The following UBR4 variants were observed in gnomAD, a reference collection of about 807,000 sequenced individuals.
UBR4 encodes the protein E3 ubiquitin-protein ligase UBR4.
UBR4 carries 124 observed loss-of-function variants against 575.6 expected under a neutral mutation model. The observed-to-expected ratio is 0.22, with a 90% CI of 0.19 to 0.25. UBR4 has a LOEUF of 0.25. UBR4 is among the 10% of genes least tolerant of loss of function. The pLI, the probability that UBR4 is intolerant of heterozygous loss-of-function variation, is 1.00. For synonymous variants in UBR4, 2,455 were observed against 2,473.7 expected, an observed-to-expected ratio of 0.99 and a Z score of 0.22; for missense variants, 4,818 against 6,478.8, an observed-to-expected ratio of 0.74 and a Z score of 8.80.
Position 19,110,032 on chromosome 1 carries a change from T to C in UBR4, c.12105+64A>G, listed in dbSNP as rs1206006519. On this transcript the variant is annotated intron_variant, in intron 81 of 105. Coordinates refer to ENST00000375254, the MANE Select transcript of UBR4 (RefSeq NM_020765.3). This position sits in a 1 kb window ranked among gnomAD's most constrained non-coding sequence, Gnocchi z 4.5. ...GAGACCATGAGGAGGCAGGGCACAC[T>C]GCCAGGGAATGAGGAGGGTGGCCGC... The C allele has an allele frequency of 3.1e-6, 5 of 1,606,032 alleles. No homozygotes were observed. The highest frequency in any genetic ancestry group is 1.3e-5 in the African/African-American group (1 of 74,772).
chr1:19,163,705 C>T, intron 34 of UBR4, 59 bp downstream of exon 34: 2 of 1,564,066 alleles, frequency 1.3e-6, no homozygotes, highest in Non-Finnish European at 1.8e-6. Context: ...TCCACCTGAC[C>T]ACAGAGGTGA....
At position 19,095,041 on chromosome 1, in the gene UBR4, A is replaced by C; in HGVS notation, c.13627-16T>G. On this transcript the variant is annotated splice_polypyrimidine_tract_variant and intron_variant, in intron 93 of 105. Transcript: ENST00000375254. Reference sequence around the variant, plus strand: ...CTACAAGGGCCTGTAGGAGAAGGAGACTCAGTCACTCTCAGAATAAGACCA... The same window carrying C: ...CTACAAGGGCCTGTAGGAGAAGGAGCCTCAGTCACTCTCAGAATAAGACCA... 6.2e-7 allele frequency: 1 copy of C among 1,614,056 alleles called. No homozygotes were observed. The highest frequency in any genetic ancestry group is 8.5e-7 in the Non-Finnish European group (1 of 1,179,996).
At chr1:19,109,572 C>T (rs937552135) in intron 81 of UBR4, among the ~76,000 whole-genome samples, 1 of 152,222 alleles carries the variant, frequency 6.6e-6, no homozygotes, top group African/African-American at 2.4e-5. Context: ...TTAACTTAGG[C>T]AGACACCGTT....
intron 59 of UBR4, among the ~76,000 whole-genome samples, chr1:19,138,805 A>G (rs2083480336): frequency 6.6e-6 from 1 of 152,230 alleles, no homozygotes; most frequent in African/African-American, 2.4e-5. Context: ...AGGAAAAAAA[A>G]GACTTACGCA....
chr1:19,138,682 C>T (rs1570973788), intron 59 of UBR4, among the ~76,000 whole-genome samples: 1 of 151,956 alleles, frequency 6.6e-6, no homozygotes, highest in African/African-American at 2.4e-5. Context: ...TAAAAAAAAA[C>T]CCTTCCCCAA....
Position 19,093,609 on chromosome 1 carries a change from C to A in UBR4, c.13938-123G>T. 9.1e-7 allele frequency: 1 copy of A among 1,095,948 alleles called. No homozygotes were observed. Among genetic ancestry groups the A allele is most frequent in the Non-Finnish European group, 1.3e-6 (1 of 769,108 alleles). 67.9% of individuals were successfully genotyped at this position (1,095,948 alleles called of 1,614,324 possible). ...CAAGGCTAAATTCCCTAACGTGACACAAAGACCTATCTGCCCCGGCTCCTG... is the reference window on the plus strand; with the variant it reads ...CAAGGCTAAATTCCCTAACGTGACAAAAAGACCTATCTGCCCCGGCTCCTG... On this transcript the variant is annotated intron_variant, in intron 95 of 105. Transcript: ENST00000375254. The surrounding 1 kb of genome is among the most constrained non-coding windows in gnomAD (Gnocchi z 4.8).
At chr1:19,155,104 T>C (rs750288021) in intron 43 of UBR4, 29 bp from the exon 44 acceptor site, 1 of 1,610,834 alleles carries the variant, frequency 6.2e-7, no homozygotes, top group Non-Finnish European at 8.5e-7. Context: ...ATATTTGCAG[T>C]AATTCATGTT....
rs535621050 is a variant in UBR4, at chr1:19,148,112, C to G, written c.7510G>C (p.Ala2504Pro). 1 of 1,607,672 alleles carries G rather than the reference C, an allele frequency of 6.2e-7. No homozygotes were observed. Among genetic ancestry groups the G allele is most frequent in the African/African-American group, 1.3e-5 (1 of 74,996 alleles). The change falls in exon 51 of 106, where the codon GCT becomes CCT. Residue 2504 changes from alanine (A) to proline (P), a missense_variant. Physicochemically the swap from Ala to Pro is conservative, Grantham distance 27. Around this residue, in one of 29 missense-constraint regions of UBR4, gnomAD observed 340 missense variants for 375.4 expected, o/e 0.91. Transcript: ENST00000375254. Reference protein sequence around the residue: ...PIIEKERNKNAAQELATLLLS... With the variant: ...PIIEKERNKNPAQELATLLLS... ...AGCAAAGTGGCCAGCTCCTGAGCAG[C>G]ATTCTTGTTTCTCTCCTAAGGCAAA...
At position 19,175,014 on chromosome 1, in the gene UBR4, T is replaced by C; in HGVS notation, c.2793A>G (p.Arg931=). The C allele has an allele frequency of 6.2e-7, 1 of 1,613,900 alleles. No individual in the cohort carries two copies. Among genetic ancestry groups the C allele is most frequent in the Non-Finnish European group, 8.5e-7 (1 of 1,179,882 alleles). Residue 931 remains arginine (R), a synonymous_variant, in exon 21 of 106, where the codon AGA becomes AGG. Transcript: ENST00000375254. ...CTTCTGGGGACAGGACACAGTAGAA[T>C]CTGGGGTGTGGGACAGCATCTGAAA... is the stretch of plus-strand genomic sequence containing the variant. ...HFSSDAVPHP[R]FYCVLSPEAS...
At chr1:19,178,169 T>C (rs571390585) in intron 18 of UBR4, among the ~76,000 whole-genome samples, 49 of 152,388 alleles carry the variant, frequency 3.2e-4, no homozygotes, top group Non-Finnish European at 7.3e-5. Context: ...CATTTAATTC[T>C]AGTTTTGAGA....
At position 19,152,758 on chromosome 1, in the gene UBR4, A is replaced by G. The variant is rs760479148; in HGVS notation, c.6833-282T>C. ...GTAACTGGGTTATTTAAAATAAACA[A>G]TAGGAGCTACTTCTTTAATGAATGT... On this transcript the variant is annotated intron_variant, in intron 46 of 105. Coordinates refer to ENST00000375254, the MANE Select transcript of UBR4 (RefSeq NM_020765.3). This position sits in a 1 kb window ranked among gnomAD's most constrained non-coding sequence, Gnocchi z 4.4. 2.0e-5 allele frequency among the ~76,000 whole-genome samples: 3 copies of G among 152,232 alleles called. No individual in the cohort carries two copies. The highest frequency in any genetic ancestry group is 2.1e-4 in the South Asian group (1 of 4,832).
chr1:19,164,986 G>A lies in UBR4; in HGVS notation c.4324C>T (p.Pro1442Ser). The A allele has an allele frequency of 1.2e-6, 2 of 1,613,932 alleles. No individual in the cohort carries two copies. The highest frequency in any genetic ancestry group is 1.7e-6 in the Non-Finnish European group (2 of 1,179,918). Residue 1442 changes from proline to serine, a missense_variant, in exon 32 of 106, where the codon CCT (proline) becomes TCT (serine). This residue lies in a region of UBR4 where 1,172 missense variants were observed against 1,259.7 expected (regional missense o/e 0.93). Transcript: ENST00000375254. ...TKLFQLTEKSPNPSLLHLCGS... is the reference protein window; with the variant it reads ...TKLFQLTEKSSNPSLLHLCGS... ...CAGAGATGCAACAGGCTCGGGTTAG[G>A]GCTCTTCTCAGCTAGGAGCAGAACA...
rs569224839 is a variant in UBR4 at position 19,115,618 on chromosome 1, C to T, written c.10843G>A (p.Ala3615Thr). The change falls in exon 74 of 106, where the codon GCC (alanine) becomes ACC (threonine). Residue 3615 changes from alanine to threonine, a missense_variant. By Grantham distance (58) the Ala-to-Thr change is moderately conservative (BLOSUM62 0). Transcript: ENST00000375254. ...CCAGGGGTCAGCTGAACCTTCTTGG[C>T]TTTGTGCCAGCGAGCTGGCCTAGGA... ...LKNKPARWHK[A>T]KKVQLTPGQT... 2 of 1,614,158 alleles carry T rather than the reference C, an allele frequency of 1.2e-6. No individual in the cohort carries two copies. Among genetic ancestry groups the T allele is most frequent in the South Asian group, 2.2e-5 (2 of 91,088 alleles).
intron 37 of UBR4, 36 bp from the exon 38 acceptor site, chr1:19,161,183 G>A: frequency 1.3e-6 from 2 of 1,594,596 alleles, no homozygotes; most frequent in South Asian, 2.2e-5. Context: ...CTAAGTTCTT[G>A]CCTCAAGCAC....
At position 19,164,888 on chromosome 1, in the gene UBR4, C is replaced by A. The variant is rs138053515; in HGVS notation, c.4422G>T (p.Ser1474=). ...CCAGCTGATCAGAATCTTTTGGGGG[C>A]GATGTAGTCATGCGGGTGAGCCAGG... is the stretch of plus-strand genomic sequence containing the variant. The part of the protein sequence containing the change: ...LQAWLTRMTT[S]PPKDSDQLDV... The change falls in exon 32 of 106, where the codon TCG becomes TCT. Residue 1474 remains serine (S), a synonymous_variant. Transcript: ENST00000375254. 3 of 1,614,072 alleles carry A rather than the reference C, an allele frequency of 1.9e-6. No individual in the cohort carries two copies. The highest frequency in any genetic ancestry group is 1.7e-6 in the Non-Finnish European group (2 of 1,180,020).
At chr1:19,097,568 G>T (rs1470565441) in intron 90 of UBR4, among the ~76,000 whole-genome samples, 1 of 152,140 alleles carries the variant, frequency 6.6e-6, no homozygotes, top group African/African-American at 2.4e-5. Context: ...AATATTTATT[G>T]AATGTTTTAC....
chr1:19,114,174 G>A, intron 75 of UBR4, 104 bp from the exon 76 acceptor site: 1 of 1,440,160 alleles, frequency 6.9e-7, no homozygotes, highest in Non-Finnish European at 9.4e-7. Flanking sequence ...CTATAGGTCA[G>A]GCACTGTGTT....
chr1:19,079,681 A>G (rs1018661947), intron 103 of UBR4: 3 of 152,332 alleles, frequency 2.0e-5, no homozygotes, highest in African/African-American at 7.2e-5. Flanking sequence ...ATATCTCTAC[A>G]CGCCCTTCCA....
intron 17 of UBR4, among the ~76,000 whole-genome samples, chr1:19,183,426 C>T (rs964093368): frequency 6.6e-6 from 1 of 152,144 alleles, no homozygotes; most frequent in African/African-American, 2.4e-5. Context: ...TGTTCCTTAA[C>T]AATTGGAGCT....
Sources: allele counts gnomAD v4.1 joint callset (sites outside exome capture counted in the v4.1 genomes callset), GRCh38; gene constraint gnomAD v4.1.1; regional missense constraint gnomAD v4.1.1; non-coding constraint Gnocchi (gnomAD v3.1); transcripts MANE v1.5; gene names NCBI Gene and HGNC (gene_info 2026-07-23, HGNC 2026-07-21).